Variants in FOXP1 observed in about 807,000 individuals in gnomAD.
FOXP1 encodes the protein forkhead box P1, also known as forkhead box protein P1.
FOXP1 carries 15 observed loss-of-function variants against 98.2 expected under a neutral mutation model. That is an observed-to-expected ratio of 0.15 (90% CI 0.10 to 0.24). FOXP1 has a LOEUF of 0.24. Ranked by LOEUF, FOXP1 falls within the 10% of genes least tolerant of loss-of-function variation. The probability of loss-of-function intolerance (pLI) is 1.00; values close to 1 mark genes in which losing one functional copy is unlikely to be tolerated. For missense variants in FOXP1, 633 were observed against 848.5 expected (o/e 0.75, Z 3.15); for synonymous variants, 371 against 314.5 (o/e 1.18, Z -1.90).
At chr3:71,492,328 T>C (rs550993714) in intron 3 of FOXP1, among the ~76,000 whole-genome samples, 2 of 151,980 alleles carry the variant, frequency 1.3e-5, no homozygotes, top group South Asian at 2.1e-4. Flanking sequence ...GGCGGGCGCC[T>C]GTAATCTCAG....
intron 3 of FOXP1, among the ~76,000 whole-genome samples, chr3:71,458,720 G>C (rs2087734669): frequency 6.6e-6 from 1 of 152,096 alleles, no homozygotes; most frequent in Non-Finnish European, 1.5e-5. Context: ...AGGAACACAA[G>C]CGTAAAGCAA....
At chr3:71,461,929 A>G (rs1207113479) in intron 3 of FOXP1, among the ~76,000 whole-genome samples, 2 of 152,194 alleles carry the variant, frequency 1.3e-5, no homozygotes, top group Admixed American at 6.5e-5. Context: ...AGAGTGATTA[A>G]CACTGAGAGA....
In FOXP1 at chr3:71,255,441, T is replaced by C. The variant is rs1326247211; in HGVS notation, c.-12+44379A>G. 3.9e-5 allele frequency among the ~76,000 whole-genome samples: 6 copies of C among 152,312 alleles called. No individual in the cohort carries two copies. The South Asian group carries it at 6.2e-4, about 16-fold the overall frequency. ...ATACCTAACATATATGTATTCAATA[T>C]TTACATTTTGATTTTATTATGTTTC... On this transcript the variant is annotated intron_variant, in intron 5 of 20. Transcript: ENST00000649528.
intron 2 of FOXP1, among the ~76,000 whole-genome samples, chr3:71,509,996 T>C (rs553554794): frequency 1.9e-3 from 295 of 151,706 alleles, no homozygotes; most frequent in Non-Finnish European, 3.5e-3. Context: ...CTGGCCAACA[T>C]GGTGAAACCC....
chr3:71,569,997 G>A (rs1396924985), intron 2 of FOXP1, among the ~76,000 whole-genome samples: 1 of 151,980 alleles, frequency 6.6e-6, no homozygotes, highest in South Asian at 2.1e-4. Context: ...AGGATGGTCT[G>A]GATCTCCTGA....
intron 6 of FOXP1, among the ~76,000 whole-genome samples, chr3:71,158,629 C>T (rs761475764): frequency 6.8e-6 from 1 of 147,500 alleles, no homozygotes; most frequent in Non-Finnish European, 1.5e-5. Context: ...AATAACATAA[C>T]AGAAGTAAAC....
intron 5 of FOXP1, among the ~76,000 whole-genome samples, chr3:71,278,348 T>C (rs2107370588): frequency 6.6e-6 from 1 of 152,314 alleles, no homozygotes; most frequent in Admixed American, 6.5e-5. Flanking sequence ...CCCTCCTTTA[T>C]GAGCACAGAA....
At chr3:71,309,507 G>C (rs1379886274) in intron 4 of FOXP1, among the ~76,000 whole-genome samples, 1 of 151,684 alleles carries the variant, frequency 6.6e-6, no homozygotes, top group Non-Finnish European at 1.5e-5. Flanking sequence ...TTCTGCAACT[G>C]CTTTAAGAAG....
intron 6 of FOXP1, among the ~76,000 whole-genome samples, chr3:71,181,929 G>A (rs543158459): frequency 4.6e-5 from 7 of 151,854 alleles, no homozygotes; most frequent in Non-Finnish European, 8.8e-5. Flanking sequence ...CAGCTACTCA[G>A]GAGGCTGAGG....
At chr3:71,290,951 G>T (rs184485082) in intron 5 of FOXP1, among the ~76,000 whole-genome samples, 2 of 152,224 alleles carry the variant, frequency 1.3e-5, no homozygotes, top group Non-Finnish European at 2.9e-5. Context: ...CACTGCTTCG[G>T]CCATACTGGC....
chr3:71,443,386 A>G (rs2086122660), intron 3 of FOXP1, among the ~76,000 whole-genome samples: 1 of 152,130 alleles, frequency 6.6e-6, no homozygotes, highest in Non-Finnish European at 1.5e-5. Flanking sequence ...AATATACAAT[A>G]CTTTATTGTT....
chr3:71,013,302 T>G (rs1285379618), intron 12 of FOXP1, among the ~76,000 whole-genome samples: 1 of 152,124 alleles, frequency 6.6e-6, no homozygotes, highest in African/African-American at 2.4e-5. Flanking sequence ...CTTTCTACAT[T>G]TATAAAGTCA....
intron 14 of FOXP1, among the ~76,000 whole-genome samples, chr3:70,986,072 T>G (rs573901340): frequency 1.3e-5 from 2 of 152,350 alleles, no homozygotes; most frequent in African/African-American, 4.8e-5. Context: ...ATAAATTTAG[T>G]AGGAGGTCCC....
chr3:71,171,578 G>A (rs976933183), intron 6 of FOXP1, among the ~76,000 whole-genome samples: 1 of 152,204 alleles, frequency 6.6e-6, no homozygotes, highest in Non-Finnish European at 1.5e-5. Context: ...GAGTGTGCAT[G>A]TAGATTATAA....
At chr3:71,340,832 T>C (rs770821808) in intron 4 of FOXP1, among the ~76,000 whole-genome samples, 17 of 152,238 alleles carry the variant, frequency 1.1e-4, no homozygotes, top group Non-Finnish European at 2.1e-4. Flanking sequence ...ACTATAAAAC[T>C]AAACTTTTTC....
intron 3 of FOXP1, among the ~76,000 whole-genome samples, chr3:71,365,713 G>A (rs6809697): frequency 0.094 from 14,280 of 152,258 alleles, 918 homozygotes; most frequent in Non-Finnish European, 0.14. Flanking sequence ...GGCTGGGTGC[G>A]GTGGCTCACG....
intron 6 of FOXP1, among the ~76,000 whole-genome samples, chr3:71,181,097 G>A (rs954938099): frequency 2.6e-5 from 4 of 152,248 alleles, no homozygotes; most frequent in African/African-American, 7.2e-5. Flanking sequence ...GCCTCAATGA[G>A]GAAAGACAGA....
At chr3:71,151,058 G>C (rs1310906864) in intron 6 of FOXP1, among the ~76,000 whole-genome samples, 1 of 152,144 alleles carries the variant, frequency 6.6e-6, no homozygotes, top group African/African-American at 2.4e-5. Flanking sequence ...AAGAGCACTG[G>C]CTTTAGCACC....
intron 14 of FOXP1, among the ~76,000 whole-genome samples, chr3:70,979,918 G>A (rs78396052): frequency 6.6e-5 from 10 of 152,120 alleles, no homozygotes; most frequent in Middle Eastern, 3.4e-3. Flanking sequence ...TAAACATGGC[G>A]CTGGAAACAG....
Sources: allele counts gnomAD v4.1 joint callset (sites outside exome capture counted in the v4.1 genomes callset), GRCh38; gene constraint gnomAD v4.1.1; transcripts MANE v1.5; gene names NCBI Gene and HGNC (gene_info 2026-07-23, HGNC 2026-07-21).